MTFR1: variants seen among roughly 807,000 people sequenced by gnomAD.
MTFR1 encodes the protein mitochondrial fission regulator 1.
A neutral mutation model predicts 38.8 loss-of-function variants in MTFR1; 28 were observed. The observed-to-expected ratio is 0.72, with a 90% CI of 0.53 to 0.99. The LOEUF (loss-of-function observed/expected upper bound fraction) is 0.99. Ranked by LOEUF, MTFR1 falls within the 50% of genes least tolerant of loss-of-function variation. The probability of loss-of-function intolerance (pLI) is 0.00; values close to 1 mark genes in which losing one functional copy is unlikely to be tolerated. For synonymous variants in MTFR1, 145 were observed against 137.0 expected, an observed-to-expected ratio of 1.06 and a Z score of -0.41; for missense variants, 358 against 395.5, an observed-to-expected ratio of 0.91 and a Z score of 0.81.
At chr8:65,656,495 G>A (rs1021270951) in intron 1 of MTFR1, among the ~76,000 whole-genome samples, 3 of 150,230 alleles carry the variant, frequency 2.0e-5, no homozygotes, top group Non-Finnish European at 3.0e-5. Context: ...CACCATGCCT[G>A]GCTAATTTTT....
intron 3 of MTFR1, among the ~76,000 whole-genome samples, chr8:65,685,941 A>G (rs966193676): frequency 1.3e-5 from 2 of 152,142 alleles, no homozygotes; most frequent in Non-Finnish European, 2.9e-5. Context: ...TTGTGTGCAG[A>G]CAGAATAGCA....
At position 65,706,932 on chromosome 8, in the gene MTFR1, A is replaced by C. The variant is rs1284846940; in HGVS notation, c.518-78A>C. The C allele has an allele frequency of 6.1e-6, 9 of 1,483,466 alleles. No homozygotes were observed. In the African/African-American group the frequency reaches 9.9e-5, roughly 16 times the overall value. The allele number at this position is 1,483,466 out of a possible 1,614,324, so 91.9% of individuals were successfully genotyped here. A position where few individuals can be genotyped will look rare whatever the true frequency, so the allele number is the denominator to read the frequency against. ...TTTTAGGGGTACAAAAATCTTTAAC[A>C]TCATTTTGCTTTTAAAAACTGATAT... On this transcript the variant is annotated intron_variant, in intron 5 of 7. Transcript: ENST00000262146.
chr8:65,695,364 G>A (rs1251305025), intron 4 of MTFR1, among the ~76,000 whole-genome samples: 3 of 150,544 alleles, frequency 2.0e-5, no homozygotes, highest in African/African-American at 7.3e-5. Context: ...TTTTTGTTTT[G>A]TTTTTGAGAT....
At chr8:65,698,428 C>T (rs1391384816) in intron 4 of MTFR1, among the ~76,000 whole-genome samples, 1 of 152,018 alleles carries the variant, frequency 6.6e-6, no homozygotes, top group African/African-American at 2.4e-5. Context: ...GTATGAGCCA[C>T]TGTGCCCAGC....
At position 65,740,873 on chromosome 8, in the gene MTFR1, TAAAG is replaced by T. The variant is rs539605493; in HGVS notation, c.*48+21395_*48+21398del. Among the ~76,000 whole-genome samples the T allele has an allele frequency of 3.1e-3, 470 of 152,106 alleles. 2 individuals are homozygous for T. The highest frequency in any genetic ancestry group is 3.1e-3 in the Non-Finnish European group (212 of 68,002). ...CTAGATTCTCTCATCTCTGAAACAA[TAAAG>T]AATCACAGCCTCTCCTGGCCCCCTC... On this transcript the variant is annotated intron_variant, in intron 3 of 3. Coordinates refer to the MTFR1 transcript ENST00000521247.
intron 3 of MTFR1, among the ~76,000 whole-genome samples, chr8:65,750,474 CTGTGTGTGTGTG>C (rs371620919): frequency 7.0e-6 from 1 of 142,626 alleles, no homozygotes; most frequent in East Asian, 2.0e-4. Flanking sequence ...ATTAGAATCA[CTGTGTGTGTGTG>C]TGTGTGTGTG....
At chr8:65,771,267 T>G (rs1279901176), downstream of MTFR1, 1 of 153,370 alleles carries the variant, frequency 6.5e-6, no homozygotes, top group Non-Finnish European at 1.5e-5. Context: ...AAAAGAAAAG[T>G]TCAATATTGC....
chr8:65,727,153 G>T (rs751291970), intron 3 of MTFR1: 1 of 1,384,372 alleles, frequency 7.2e-7, no homozygotes, highest in Non-Finnish European at 1.0e-6. Context: ...AAATCTTGAT[G>T]ATAAAATTGC....
intron 2 of MTFR1, 50 bp downstream of exon 2, chr8:65,670,068 G>T (rs757811194): frequency 6.7e-7 from 1 of 1,489,698 alleles, no homozygotes. Context: ...GATATTTTAA[G>T]AATTTTTTCT....
chr8:65,727,040 T>C (rs1806641041), intron 3 of MTFR1: 5 of 984,890 alleles, frequency 5.1e-6, no homozygotes, highest in Non-Finnish European at 8.1e-6. Flanking sequence ...ACAATACTGT[T>C]AGCAATATTA....
At chr8:65,720,600 A>G (rs1481373309) in intron 3 of MTFR1, 1 of 153,968 alleles carries the variant, frequency 6.5e-6, no homozygotes, top group African/African-American at 2.4e-5. Flanking sequence ...AATATGTGCA[A>G]TAAGGCTTTC....
At chr8:65,686,544 C>T (rs541687272) in intron 3 of MTFR1, among the ~76,000 whole-genome samples, 3 of 146,916 alleles carry the variant, frequency 2.0e-5, no homozygotes, top group Admixed American at 7.0e-5. Context: ...CATGCTACTG[C>T]ACTCCAGCCT....
chr8:65,734,441 A>G (rs1807036003), intron 3 of MTFR1, among the ~76,000 whole-genome samples: 1 of 152,174 alleles, frequency 6.6e-6, no homozygotes, highest in South Asian at 2.1e-4. Context: ...ATAATTTTCT[A>G]AAGTCTCCTG....
intron 2 of MTFR1, among the ~76,000 whole-genome samples, chr8:65,675,741 A>G (rs1379247415): frequency 1.3e-5 from 2 of 152,240 alleles, no homozygotes; most frequent in Non-Finnish European, 2.9e-5. Flanking sequence ...AGCTTTATAC[A>G]GGCAGTAAAT....
At chr8:65,677,384 C>CT (rs771296415) in intron 2 of MTFR1, among the ~76,000 whole-genome samples, 13,963 of 104,676 alleles carry the variant, frequency 0.13, 1,567 homozygotes, top group East Asian at 0.55. Context: ...TTAGCTGTTT[C>CT]TTTTTTTTTT....
intron 3 of MTFR1, among the ~76,000 whole-genome samples, chr8:65,730,196 TTG>T (rs1473643426): frequency 1.7e-5 from 2 of 118,880 alleles, no homozygotes; most frequent in African/African-American, 3.5e-5. Flanking sequence ...TTTTTTTTTT[TTG>T]AGATGGAGTT....
At chr8:65,701,144 C>G (rs1310688971) in intron 4 of MTFR1, among the ~76,000 whole-genome samples, 2 of 152,208 alleles carry the variant, frequency 1.3e-5, no homozygotes, top group Non-Finnish European at 2.9e-5. Context: ...TCCTCTTTCT[C>G]TAATATCTGC....
rs1298783067 is a variant in MTFR1, at chr8:65,663,192, ATTC to A, written c.-80-6676_-80-6674del. Among the ~76,000 whole-genome samples, 13 of 152,312 alleles carry A rather than the reference ATTC, an allele frequency of 8.5e-5. No homozygotes were observed. The East Asian group carries it at 2.5e-3, about 29-fold the overall frequency. On this transcript the variant is annotated intron_variant, in intron 1 of 7. Coordinates refer to ENST00000262146, the MANE Select transcript of MTFR1 (RefSeq NM_014637.4). Reference sequence around the variant, plus strand: ...TTCATTTTGTTCTATACTAAGAAAAATTCTTCTGCCTTGGGATCCTGTTGATCT... The same window carrying A: ...TTCATTTTGTTCTATACTAAGAAAAATTCTGCCTTGGGATCCTGTTGATCT...
chr8:65,672,740 T>C (rs1804598330), intron 2 of MTFR1, among the ~76,000 whole-genome samples: 2 of 152,212 alleles, frequency 1.3e-5, no homozygotes, highest in Non-Finnish European at 2.9e-5. Context: ...TTCTTCATCT[T>C]GCACTTTTAT....
Sources: allele counts gnomAD v4.1 joint callset (sites outside exome capture counted in the v4.1 genomes callset), GRCh38; gene constraint gnomAD v4.1.1; transcripts MANE v1.5; gene names NCBI Gene and HGNC (gene_info 2026-07-23, HGNC 2026-07-21).